KAZN: variants seen among roughly 807,000 people sequenced by gnomAD.
KAZN encodes kazrin, periplakin interacting protein.
In KAZN, 40 loss-of-function variants were observed where a neutral mutation model predicts 87.4. The ratio of observed to expected loss-of-function variants is 0.46; its 90% confidence interval spans 0.36 to 0.60. The LOEUF is 0.60. Among genes scored for constraint, KAZN ranks in the 20% least tolerant of loss-of-function variants. The pLI is 0.00. For synonymous variants in KAZN, 466 were observed against 458.3 expected (o/e 1.02, Z -0.22); for missense variants, 898 against 1,073.9 (o/e 0.84, Z 2.29).
intron 2 of KAZN, among the ~76,000 whole-genome samples, chr1:14,334,802 C>T (rs988451672): frequency 6.6e-6 from 1 of 151,856 alleles, no homozygotes; most frequent in Non-Finnish European, 1.5e-5. Flanking sequence ...CTGACTTCCC[C>T]CAGAGAGAGA....
intron 2 of KAZN, among the ~76,000 whole-genome samples, chr1:14,393,527 G>A (rs545421431): frequency 6.6e-6 from 1 of 152,226 alleles, no homozygotes; most frequent in South Asian, 2.1e-4. Context: ...GGAAATACAC[G>A]CTTTGTAGAA....
intron 2 of KAZN, among the ~76,000 whole-genome samples, chr1:14,549,585 CTG>C (rs1484495750): frequency 6.6e-6 from 1 of 150,788 alleles, no homozygotes; most frequent in East Asian, 1.9e-4. Flanking sequence ...AACAGATACA[CTG>C]TGGTTAGGAG....
At chr1:14,293,606 T>C (rs1054375388) in intron 2 of KAZN, among the ~76,000 whole-genome samples, 1 of 151,818 alleles carries the variant, frequency 6.6e-6, no homozygotes, top group African/African-American at 2.4e-5. Context: ...TTTATACCAG[T>C]CTCTCCTGTC....
chr1:14,666,318 T>C (rs764379221), intron 1 of KAZN, among the ~76,000 whole-genome samples: 22 of 152,216 alleles, frequency 1.4e-4, no homozygotes, highest in Non-Finnish European at 2.6e-4. Context: ...CCTCGCCCCC[T>C]TTCCCTGTTC....
chr1:14,370,170 G>A (rs1359984329), intron 2 of KAZN, among the ~76,000 whole-genome samples: 1 of 152,180 alleles, frequency 6.6e-6, no homozygotes, highest in Non-Finnish European at 1.5e-5. Context: ...AGGAACTAGA[G>A]AAGACCAAGG....
At chr1:14,143,592 T>C (rs1464619306) in intron 1 of KAZN, among the ~76,000 whole-genome samples, 1 of 152,216 alleles carries the variant, frequency 6.6e-6, no homozygotes, top group Non-Finnish European at 1.5e-5. Flanking sequence ...TGAGTTTCTG[T>C]TGATAAGACA....
chr1:14,378,714 G>A (rs1288464388), intron 2 of KAZN, among the ~76,000 whole-genome samples: 2 of 152,152 alleles, frequency 1.3e-5, no homozygotes, highest in Non-Finnish European at 2.9e-5. Context: ...AGCCAGAGGG[G>A]GATATTCCAT....
At chr1:14,985,348 A>G (rs1358333737) in intron 2 of KAZN, among the ~76,000 whole-genome samples, 1 of 144,748 alleles carries the variant, frequency 6.9e-6, no homozygotes, top group Non-Finnish European at 1.5e-5. Flanking sequence ...TGGGCAACAT[A>G]GGGAGACCTT....
At chr1:14,103,276 C>A (rs1644299674) in intron 1 of KAZN, among the ~76,000 whole-genome samples, 1 of 152,122 alleles carries the variant, frequency 6.6e-6, no homozygotes, top group South Asian at 2.1e-4. Context: ...CTAGTGACAT[C>A]TTATACATCT....
intron 1 of KAZN, among the ~76,000 whole-genome samples, chr1:14,086,803 G>T (rs1377177925): frequency 2.0e-5 from 3 of 152,158 alleles, no homozygotes; most frequent in Admixed American, 2.0e-4. Flanking sequence ...TTATTTAAAA[G>T]ATTATCTTTT....
At chr1:14,307,958 G>A (rs573916846) in intron 2 of KAZN, among the ~76,000 whole-genome samples, 1 of 152,298 alleles carries the variant, frequency 6.6e-6, no homozygotes, top group East Asian at 1.9e-4. Context: ...CTACTGTGAT[G>A]CGCTGAGGAT....
intron 1 of KAZN, among the ~76,000 whole-genome samples, chr1:13,963,162 G>A (rs1446856741): frequency 1.3e-5 from 2 of 152,118 alleles, no homozygotes; most frequent in African/African-American, 2.4e-5. Flanking sequence ...ATGGGGAGTG[G>A]GGAAAGAGGG....
intron 1 of KAZN, among the ~76,000 whole-genome samples, chr1:13,996,390 G>C (rs114240340): frequency 0.01 from 1,547 of 152,258 alleles, 15 homozygotes; most frequent in Non-Finnish European, 0.017. Flanking sequence ...TGAGCTCCTC[G>C]AGGGAGGAGC....
intron 2 of KAZN, among the ~76,000 whole-genome samples, chr1:15,034,140 T>C (rs767389718): frequency 6.6e-6 from 1 of 152,236 alleles, no homozygotes; most frequent in Non-Finnish European, 1.5e-5. Context: ...TTTGCAAATA[T>C]TTTCTCCCAT....
At chr1:14,731,718 G>A (rs777254650) in intron 1 of KAZN, among the ~76,000 whole-genome samples, 15 of 152,340 alleles carry the variant, frequency 9.8e-5, no homozygotes, top group Non-Finnish European at 1.8e-4. Flanking sequence ...TAGGTCCTTG[G>A]ACTGTGCTGG....
At chr1:14,346,628 G>T (rs988774876) in intron 2 of KAZN, among the ~76,000 whole-genome samples, 2 of 152,096 alleles carry the variant, frequency 1.3e-5, no homozygotes, top group Non-Finnish European at 2.9e-5. Flanking sequence ...GCTCAGATCA[G>T]AGCAGGGTAC....
In KAZN at chr1:14,637,020, AC is replaced by A. The variant is rs1299526191; in HGVS notation, c.226+37800del. 3.3e-3 allele frequency among the ~76,000 whole-genome samples: 498 copies of A among 152,290 alleles called. 2 individuals are homozygous for A. Among genetic ancestry groups the A allele is most frequent in the African/African-American group, 0.011 (474 of 41,556 alleles). ...GACCTCTGGAGGGCTGGACATGGTT[AC>A]CCAGGAATCTGAGCTGACAGTTTAT... On this transcript the variant is annotated intron_variant, in intron 1 of 14. Coordinates refer to ENST00000376030, the MANE Select transcript of KAZN (RefSeq NM_201628.3).
chr1:14,284,224 CTG>C (rs1653067857), intron 2 of KAZN, among the ~76,000 whole-genome samples: 2 of 152,084 alleles, frequency 1.3e-5, no homozygotes, highest in African/African-American at 4.8e-5. Context: ...GCTGCGCAAT[CTG>C]TAAATATACT....
chr1:14,911,021 C>G (rs1255000228), intron 1 of KAZN, among the ~76,000 whole-genome samples: 1 of 152,216 alleles, frequency 6.6e-6, no homozygotes, highest in Non-Finnish European at 1.5e-5. Flanking sequence ...ACTCCTGAGC[C>G]CGCACAGTGC....
Sources: gnomAD v4.1 joint callset for allele counts (sites outside exome capture counted in the v4.1 genomes callset) on GRCh38, gnomAD v4.1.1 for gene constraint, MANE v1.5 for transcripts, NCBI Gene and HGNC (gene_info 2026-07-23, HGNC 2026-07-21) for gene names.